PTPRM: variants seen among roughly 807,000 people sequenced by gnomAD.
The protein encoded by PTPRM is receptor-type tyrosine-protein phosphatase mu.
In PTPRM, 47 loss-of-function variants were observed where a neutral mutation model predicts 186.7. That is an observed-to-expected ratio of 0.25 (90% confidence interval 0.20 to 0.32). PTPRM has a LOEUF of 0.32. Ranked by LOEUF, PTPRM falls within the 10% of genes least tolerant of loss-of-function variation. The pLI, the probability that PTPRM is intolerant of heterozygous loss-of-function variation, is 1.00. For synonymous variants in PTPRM, 668 were observed against 674.9 expected, an observed-to-expected ratio of 0.99 and a Z score of 0.16; for missense variants, 1,494 against 1,865.0, an observed-to-expected ratio of 0.80 and a Z score of 3.66.
chr18:7,992,027 G>A (rs556813366), intron 7 of PTPRM, among the ~76,000 whole-genome samples: 1 of 152,174 alleles, frequency 6.6e-6, no homozygotes, highest in South Asian at 2.1e-4. Flanking sequence ...AAGAAAGTTA[G>A]TCAAAAAGAA....
intron 2 of PTPRM, among the ~76,000 whole-genome samples, chr18:7,822,162 C>G (rs2045234524): frequency 6.6e-6 from 1 of 152,196 alleles, no homozygotes; most frequent in African/African-American, 2.4e-5. Context: ...TACTTTACCT[C>G]TCTCTGATGC....
chr18:7,825,881 G>A (rs1023167319), intron 2 of PTPRM, among the ~76,000 whole-genome samples: 3 of 152,224 alleles, frequency 2.0e-5, no homozygotes, highest in African/African-American at 7.2e-5. Context: ...TATCGAATGG[G>A]ACATAGTTGG....
Position 8,394,471 on chromosome 18 carries a change from G to C in PTPRM, c.4209-5G>C. 6.2e-7 allele frequency: 1 copy of C among 1,604,270 alleles called. No individual in the cohort carries two copies. The highest frequency in any genetic ancestry group is 1.1e-5 in the South Asian group (1 of 89,292). ...AGTGCAGTCATCTGATCTTTTTCAC[G>C]ACAGGAACGGGGGAGGCCGCAGTGG... is the stretch of plus-strand genomic sequence containing the variant. On this transcript the variant is annotated splice_region_variant and splice_polypyrimidine_tract_variant and intron_variant, in intron 31 of 32. Coordinates refer to ENST00000580170, the MANE Select transcript of PTPRM (RefSeq NM_001105244.2).
intron 2 of PTPRM, among the ~76,000 whole-genome samples, chr18:7,850,208 T>A (rs1167772465): frequency 6.6e-6 from 1 of 152,246 alleles, no homozygotes; most frequent in Non-Finnish European, 1.5e-5. Flanking sequence ...TATTTGAAGA[T>A]ATATGTTATT....
chr18:7,870,689 G>A (rs1360852624), intron 2 of PTPRM, among the ~76,000 whole-genome samples: 1 of 152,032 alleles, frequency 6.6e-6, no homozygotes, highest in Non-Finnish European at 1.5e-5. Flanking sequence ...TAAATCACCT[G>A]AATATTTTTT....
rs565434557 is a variant in PTPRM, at chr18:8,141,682, A to G, written c.2168-1965A>G. ...CCCAAGTGTTGCATTTAGTGACATA[A>G]CTTAGTTACAAAACATACCTTAACT... On this transcript the variant is annotated intron_variant, in intron 13 of 32. Transcript: ENST00000580170. 3.0e-4 allele frequency among the ~76,000 whole-genome samples: 45 copies of G among 152,342 alleles called. No individual in the cohort carries two copies. In the South Asian group the frequency reaches 9.1e-3, roughly 31 times the overall value.
intron 20 of PTPRM, among the ~76,000 whole-genome samples, chr18:8,297,919 G>A (rs2095114343): frequency 6.6e-6 from 1 of 152,186 alleles, no homozygotes; most frequent in Non-Finnish European, 1.5e-5. Flanking sequence ...TTGTAGGTAG[G>A]AGATGCTGTC....
At chr18:8,343,601 T>C (rs2095487273) in intron 23 of PTPRM, 81 bp downstream of exon 23, 13 of 1,242,024 alleles carry the variant, frequency 1.0e-5, no homozygotes, top group Non-Finnish European at 1.5e-5. Flanking sequence ...GGCAAGCTTT[T>C]GAACTATTAT....
intron 1 of PTPRM, among the ~76,000 whole-genome samples, chr18:7,769,477 T>C (rs2042173347): frequency 6.6e-6 from 1 of 152,184 alleles, no homozygotes; most frequent in Non-Finnish European, 1.5e-5. Flanking sequence ...AAATTTATGA[T>C]CAGTCATATT....
intron 32 of PTPRM, among the ~76,000 whole-genome samples, chr18:8,400,000 A>G (rs1397841708): frequency 6.6e-6 from 1 of 152,184 alleles, no homozygotes; most frequent in Non-Finnish European, 1.5e-5. Context: ...GCTGGGAGAA[A>G]TCCAGGATAA....
intron 6 of PTPRM, among the ~76,000 whole-genome samples, chr18:7,951,972 A>T (rs2147083870): frequency 6.6e-6 from 1 of 152,352 alleles, no homozygotes. Flanking sequence ...TCCCAAATAA[A>T]GACCAAGTCC....
chr18:8,200,083 T>C (rs139304757), intron 14 of PTPRM, among the ~76,000 whole-genome samples: 18 of 152,328 alleles, frequency 1.2e-4, no homozygotes, highest in African/African-American at 4.3e-4. Flanking sequence ...TACAGACTAT[T>C]CACAGAGCTT....
chr18:7,607,663 T>C (rs958092812), intron 1 of PTPRM, among the ~76,000 whole-genome samples: 54 of 152,350 alleles, frequency 3.5e-4, no homozygotes, highest in African/African-American at 1.3e-3. Flanking sequence ...TGTGCCAGCT[T>C]GATCTGGCAG....
rs1383434258 is a variant in PTPRM, at chr18:7,676,918, T to C, written c.74-97231T>C. 2.0e-5 allele frequency among the ~76,000 whole-genome samples: 3 copies of C among 152,204 alleles called. No homozygotes were observed. The East Asian group carries it at 5.8e-4, about 29-fold the overall frequency. On this transcript the variant is annotated intron_variant, in intron 1 of 32. Transcript: ENST00000580170. ...GGCTTATATGTCTCTGAACTGATAT[T>C]AATTATCTATGCTTTGCTGTTTTGC...
intron 3 of PTPRM, among the ~76,000 whole-genome samples, chr18:7,892,892 C>T (rs974996336): frequency 1.3e-5 from 2 of 152,172 alleles, no homozygotes; most frequent in Admixed American, 1.3e-4. Context: ...GGTCTACTCC[C>T]ATCATGAGGG....
At chr18:8,315,474 A>G (rs1568731067) in intron 21 of PTPRM, among the ~76,000 whole-genome samples, 1 of 152,236 alleles carries the variant, frequency 6.6e-6, no homozygotes, top group Non-Finnish European at 1.5e-5. Flanking sequence ...GTTTTACATT[A>G]GAATAAATTC....
At chr18:7,982,274 T>C (rs2082594779) in intron 7 of PTPRM, among the ~76,000 whole-genome samples, 1 of 150,780 alleles carries the variant, frequency 6.6e-6, no homozygotes, top group African/African-American at 2.5e-5. Context: ...TTTCTGTTTT[T>C]AAGTTTTTAC....
intron 1 of PTPRM, among the ~76,000 whole-genome samples, chr18:7,591,027 A>G (rs149801999): frequency 6.6e-6 from 1 of 152,366 alleles, no homozygotes; most frequent in African/African-American, 2.4e-5. Context: ...TGGCTGGCAA[A>G]GAGTGACTCT....
chr18:8,350,667 A>G (rs1366298895), intron 23 of PTPRM, among the ~76,000 whole-genome samples: 1 of 152,288 alleles, frequency 6.6e-6, no homozygotes, highest in Admixed American at 6.5e-5. Context: ...AGAATCCTTC[A>G]GTGATTCCTG....
Sources: gnomAD v4.1 joint callset for allele counts (sites outside exome capture counted in the v4.1 genomes callset) on GRCh38, gnomAD v4.1.1 for gene constraint, MANE v1.5 for transcripts, NCBI Gene and HGNC (gene_info 2026-07-23, HGNC 2026-07-21) for gene names.